The following CNTN4 variants were observed in gnomAD, a reference collection of about 807,000 sequenced individuals.
CNTN4 encodes contactin-4.
A neutral mutation model predicts 122.5 loss-of-function variants in CNTN4; 77 were observed. That is an observed-to-expected ratio of 0.63 (90% CI 0.52 to 0.76). CNTN4 has a LOEUF of 0.76. Among genes scored for constraint, CNTN4 ranks in the 30% least tolerant of loss-of-function variants. The pLI is 0.00. For synonymous variants in CNTN4, 512 were observed against 447.0 expected (o/e 1.15, Z -1.83); for missense variants, 1,256 against 1,259.1 (o/e 1.00, Z 0.04).
intron 3 of CNTN4, among the ~76,000 whole-genome samples, chr3:2,395,376 G>A (rs1326591117): frequency 6.6e-6 from 1 of 152,028 alleles, no homozygotes; most frequent in Non-Finnish European, 1.5e-5. Flanking sequence ...AAGAATATAA[G>A]GAAACTTTCT....
chr3:2,882,908 G>A, intron 8 of CNTN4: 1 of 449,016 alleles, frequency 2.2e-6, no homozygotes, highest in South Asian at 2.1e-5. Flanking sequence ...AAAGTTGTAT[G>A]CATGGAGAAT....
At chr3:2,625,531 A>G (rs1028410942) in intron 4 of CNTN4, among the ~76,000 whole-genome samples, 8 of 152,076 alleles carry the variant, frequency 5.3e-5, no homozygotes, top group African/African-American at 1.9e-4. Context: ...TTATTATTCC[A>G]CTACTTTTAT....
chr3:2,516,795 A>G (rs1438177094), intron 3 of CNTN4, among the ~76,000 whole-genome samples: 2 of 152,176 alleles, frequency 1.3e-5, no homozygotes, highest in Admixed American at 6.5e-5. Context: ...CATTCTGAAG[A>G]TATGGCAGAA....
intron 4 of CNTN4, among the ~76,000 whole-genome samples, chr3:2,682,927 G>C (rs1576446555): frequency 8.3e-6 from 1 of 121,104 alleles, no homozygotes; most frequent in East Asian, 2.2e-4. Context: ...TCTGCCGCCA[G>C]CATCCAAATG....
At chr3:2,369,598 T>G (rs1477812993) in intron 3 of CNTN4, among the ~76,000 whole-genome samples, 1 of 152,084 alleles carries the variant, frequency 6.6e-6, no homozygotes, top group African/African-American at 2.4e-5. Context: ...CATAATGGCT[T>G]TATCATCAGG....
chr3:3,018,497 A>G (rs1697974373), intron 14 of CNTN4, among the ~76,000 whole-genome samples: 1 of 152,158 alleles, frequency 6.6e-6, no homozygotes, highest in Non-Finnish European at 1.5e-5. Flanking sequence ...GTGAGGATGC[A>G]GAATGGTGAG....
At chr3:2,720,810 T>C (rs1047562106) in intron 4 of CNTN4, among the ~76,000 whole-genome samples, 1 of 152,198 alleles carries the variant, frequency 6.6e-6, no homozygotes, top group Admixed American at 6.5e-5. Flanking sequence ...TATTAAGGGA[T>C]TTAACACTTA....
chr3:2,228,624 A>G lies in CNTN4; in HGVS notation c.-144-110554A>G, dbSNP rs531312831. ...TGTATCAAATGATGGTATTATAGAC[A>G]TATTATTATCTTCATTTATAGATCA... On this transcript the variant is annotated intron_variant, in intron 2 of 24. Coordinates refer to ENST00000418658, the MANE Select transcript of CNTN4 (RefSeq NM_175607.3). Among the ~76,000 whole-genome samples the G allele has an allele frequency of 3.0e-3, 458 of 152,216 alleles. 3 individuals carry two copies. The highest frequency in any genetic ancestry group is 0.011 in the African/African-American group (440 of 41,556).
chr3:2,428,401 C>G (rs1018243286), intron 3 of CNTN4, among the ~76,000 whole-genome samples: 4 of 152,158 alleles, frequency 2.6e-5, no homozygotes, highest in African/African-American at 9.7e-5. Context: ...ATATTGGCCC[C>G]CAACTCTCTT....
intron 4 of CNTN4, among the ~76,000 whole-genome samples, chr3:2,671,998 G>A (rs1170846970): frequency 1.3e-5 from 2 of 152,206 alleles, no homozygotes; most frequent in African/African-American, 4.8e-5. Flanking sequence ...AGGAGCACCG[G>A]CCATGTGAGG....
chr3:3,014,177 G>A (rs1212725283), intron 14 of CNTN4, among the ~76,000 whole-genome samples: 3 of 152,012 alleles, frequency 2.0e-5, no homozygotes, highest in Non-Finnish European at 4.4e-5. Context: ...CCAAGACCTA[G>A]CCAAAAATCT....
chr3:2,297,162 T>C (rs2042344028), intron 2 of CNTN4, among the ~76,000 whole-genome samples: 1 of 152,202 alleles, frequency 6.6e-6, no homozygotes, highest in African/African-American at 2.4e-5. Flanking sequence ...TTTCAATCAG[T>C]TTATTACTGA....
At chr3:2,270,042 C>A in intron 2 of CNTN4, among the ~76,000 whole-genome samples, 1 of 96,918 alleles carries the variant, frequency 1.0e-5, no homozygotes, top group East Asian at 2.9e-4. Flanking sequence ...CTCCGCTTCC[C>A]GGGTTCACGC....
intron 3 of CNTN4, among the ~76,000 whole-genome samples, chr3:2,412,818 G>C (rs981503165): frequency 2.6e-5 from 4 of 152,002 alleles, no homozygotes; most frequent in African/African-American, 9.7e-5. Context: ...GCCTGAATTT[G>C]AATTACAGAT....
intron 3 of CNTN4, among the ~76,000 whole-genome samples, chr3:2,540,659 T>A (rs980174536): frequency 6.6e-6 from 1 of 152,152 alleles, no homozygotes; most frequent in Non-Finnish European, 1.5e-5. Context: ...TATTAAATAG[T>A]CAATTTCATA....
intron 2 of CNTN4, among the ~76,000 whole-genome samples, chr3:2,180,758 G>C (rs1198239397): frequency 5.3e-5 from 8 of 152,020 alleles, no homozygotes; most frequent in Non-Finnish European, 1.0e-4. Flanking sequence ...GCCTACCTTT[G>C]GGGATAACTG....
intron 17 of CNTN4, 43 bp from the exon 18 acceptor site, chr3:3,037,136 C>T (rs1389408174): frequency 6.2e-7 from 1 of 1,610,112 alleles, no homozygotes; most frequent in East Asian, 2.2e-5. Flanking sequence ...CATTTGTTTT[C>T]TGAGAACCTA....
At chr3:2,121,089 T>C (rs78211418) in intron 2 of CNTN4, among the ~76,000 whole-genome samples, 5 of 151,332 alleles carry the variant, frequency 3.3e-5, no homozygotes, top group Non-Finnish European at 7.4e-5. Flanking sequence ...CCTCCCTTCC[T>C]TCCCTCCCTT....
intron 6 of CNTN4, among the ~76,000 whole-genome samples, chr3:2,805,060 C>A (rs549672883): frequency 1.3e-5 from 2 of 152,030 alleles, no homozygotes; most frequent in East Asian, 3.9e-4. Context: ...GCTTGTAATC[C>A]CAGCTACTTG....
Sources: gnomAD v4.1 joint callset for allele counts (sites outside exome capture counted in the v4.1 genomes callset) on GRCh38, gnomAD v4.1.1 for gene constraint, MANE v1.5 for transcripts, NCBI Gene and HGNC (gene_info 2026-07-23, HGNC 2026-07-21) for gene names.